Variants in CELF2 observed in about 807,000 individuals in gnomAD.
CELF2 encodes the protein CUG triplet repeat RNA-binding protein 2.
CELF2 carries 8 observed loss-of-function variants against 62.6 expected under a neutral mutation model. The observed-to-expected ratio is 0.13, with a 90% CI of 0.07 to 0.23. The LOEUF is 0.23. Ranked by LOEUF, CELF2 falls within the 10% of genes least tolerant of loss-of-function variation. The pLI is 1.00. For missense variants in CELF2, 333 were observed against 671.0 expected (o/e 0.50, Z 5.56); for synonymous variants, 258 against 250.0 (o/e 1.03, Z -0.30).
chr10:10,631,649 T>A, the CELF2 span, among the ~76,000 whole-genome samples: 1 of 152,238 alleles, frequency 6.6e-6, no homozygotes, highest in Non-Finnish European at 1.5e-5. Context: ...AGCAGTGATT[T>A]TAGTGGACCA....
At chr10:10,685,023 G>C in the CELF2 span, among the ~76,000 whole-genome samples, 1 of 152,102 alleles carries the variant, frequency 6.6e-6, no homozygotes, top group Non-Finnish European at 1.5e-5. Flanking sequence ...ACAACCACCG[G>C]AGACCAAAAT....
intron 1 of CELF2, among the ~76,000 whole-genome samples, chr10:11,028,409 T>C (rs894083754): frequency 7.5e-6 from 1 of 132,574 alleles, no homozygotes; most frequent in Admixed American, 9.1e-5. Context: ...ATTTTTTCTT[T>C]TCTTTTCTTT....
In CELF2 at chr10:11,214,373, G is replaced by A. The variant is rs1356564459; in HGVS notation, c.272-3052G>A. On this transcript the variant is annotated intron_variant, in intron 2 of 12. Transcript: ENST00000633077. This position sits in a 1 kb window ranked among gnomAD's most constrained non-coding sequence, Gnocchi z 4.2. ...GGTAAGTCATTCAGAAACTAAATGT[G>A]AAAAACCAAAAGAAGCCTCTGGGGT... Among the ~76,000 whole-genome samples, 2 of 152,178 alleles carry A rather than the reference G, an allele frequency of 1.3e-5. No individual in the cohort carries two copies. Among genetic ancestry groups the A allele is most frequent in the Non-Finnish European group, 2.9e-5 (2 of 68,026 alleles).
At chr10:10,497,616 G>C in the CELF2 span, among the ~76,000 whole-genome samples, 2 of 152,164 alleles carry the variant, frequency 1.3e-5, no homozygotes, top group African/African-American at 4.8e-5. Flanking sequence ...GTGGCCAGGG[G>C]AGGAGGAGCC....
the CELF2 span, among the ~76,000 whole-genome samples, chr10:10,752,204 G>A: frequency 5.3e-5 from 8 of 152,174 alleles, no homozygotes; most frequent in Admixed American, 3.3e-4. Flanking sequence ...GATCTGGTCC[G>A]TGGACACTAC....
chr10:10,614,998 T>C, the CELF2 span, among the ~76,000 whole-genome samples: 21 of 152,200 alleles, frequency 1.4e-4, no homozygotes, highest in African/African-American at 4.8e-4. Flanking sequence ...ATGGTATCCA[T>C]GGGCTTAGTT....
chr10:10,463,273 T>C, the CELF2 span, among the ~76,000 whole-genome samples: 1 of 152,202 alleles, frequency 6.6e-6, no homozygotes, highest in Non-Finnish European at 1.5e-5. Flanking sequence ...TTTCTGTGTA[T>C]ACTCTGCCTG....
At position 11,268,932 on chromosome 10, in the gene CELF2, T is replaced by C. The variant is rs1452083896; in HGVS notation, c.619-1734T>C. ...TGTTTCTCCACTTGCCTTCACTCTATCCCTGCCCTGTGTTTCATGGTTTAA... is the reference window on the plus strand; with the variant it reads ...TGTTTCTCCACTTGCCTTCACTCTACCCCTGCCCTGTGTTTCATGGTTTAA... On this transcript the variant is annotated intron_variant, in intron 6 of 12. Coordinates refer to ENST00000633077, the MANE Select transcript of CELF2 (RefSeq NM_001326342.2). The surrounding 1 kb of genome is among the most constrained non-coding windows in gnomAD (Gnocchi z 4.7). Among the ~76,000 whole-genome samples the C allele has an allele frequency of 2.0e-5, 3 of 152,204 alleles. No homozygotes were observed. The highest frequency in any genetic ancestry group is 4.4e-5 in the Non-Finnish European group (3 of 68,044).
At chr10:11,174,820 A>G (rs912760779) in intron 2 of CELF2, among the ~76,000 whole-genome samples, 1 of 152,158 alleles carries the variant, frequency 6.6e-6, no homozygotes, top group Non-Finnish European at 1.5e-5. Context: ...TGGGGAAAAA[A>G]TCCTTCCCAA....
chr10:10,524,978 G>A, the CELF2 span, among the ~76,000 whole-genome samples: 11 of 152,196 alleles, frequency 7.2e-5, no homozygotes, highest in African/African-American at 2.2e-4. Flanking sequence ...AGATTATAGT[G>A]TATACAGGTG....
At chr10:10,914,488 G>T (rs1200753742) in intron 1 of CELF2, among the ~76,000 whole-genome samples, 2 of 152,178 alleles carry the variant, frequency 1.3e-5, no homozygotes, top group African/African-American at 2.4e-5. Flanking sequence ...TTTAAGGAAT[G>T]CTAAATAATC....
At chr10:10,493,809 G>A in the CELF2 span, among the ~76,000 whole-genome samples, 3 of 152,182 alleles carry the variant, frequency 2.0e-5, no homozygotes, top group African/African-American at 7.2e-5. Flanking sequence ...TGGGATTACA[G>A]GCCTGAGCCA....
Position 11,270,394 on chromosome 10 carries a change from C to G in CELF2, c.619-272C>G, listed in dbSNP as rs1230963745. 6.6e-6 allele frequency among the ~76,000 whole-genome samples: 1 copy of G among 152,106 alleles called. No individual in the cohort carries two copies. The highest frequency in any genetic ancestry group is 2.4e-5 in the African/African-American group (1 of 41,392). ...GGTCCTGCAAGGTTGAAGGAAGACA[C>G]AGGAAGAGAAGGAGAGGCAGTTACT... On this transcript the variant is annotated intron_variant, in intron 6 of 12. Coordinates refer to ENST00000633077, the MANE Select transcript of CELF2 (RefSeq NM_001326342.2). The surrounding 1 kb of genome is among the most constrained non-coding windows in gnomAD (Gnocchi z 5.8).
the CELF2 span, among the ~76,000 whole-genome samples, chr10:10,654,177 G>T: frequency 7.5e-6 from 1 of 133,206 alleles, no homozygotes; most frequent in African/African-American, 2.8e-5. Flanking sequence ...GGAAGAAGTT[G>T]AATCTCTGAA....
At chr10:10,799,606 C>A (rs1177716531) in intron 1 of CELF2, among the ~76,000 whole-genome samples, 10 of 148,380 alleles carry the variant, frequency 6.7e-5, no homozygotes, top group Non-Finnish European at 1.2e-4. Context: ...CCCCCACCCC[C>A]ACCCCCAGGC....
chr10:11,284,837 A>G (rs902914946), intron 8 of CELF2, among the ~76,000 whole-genome samples: 2 of 141,622 alleles, frequency 1.4e-5, no homozygotes, highest in African/African-American at 2.7e-5. Context: ...AGAATAATGG[A>G]TGGATGGGTG....
the CELF2 span, among the ~76,000 whole-genome samples, chr10:10,618,705 T>C: frequency 6.6e-6 from 1 of 152,078 alleles, no homozygotes; most frequent in Admixed American, 6.5e-5. Context: ...AGTAACTACC[T>C]GAAGGTCGTT....
chr10:10,544,126 A>G, the CELF2 span, among the ~76,000 whole-genome samples: 1 of 152,228 alleles, frequency 6.6e-6, no homozygotes. Flanking sequence ...CTGTTGCAAC[A>G]AATGCTGGCG....
chr10:10,694,644 T>A, the CELF2 span, among the ~76,000 whole-genome samples: 2 of 151,628 alleles, frequency 1.3e-5, no homozygotes, highest in Non-Finnish European at 2.9e-5. Flanking sequence ...TGTGTGGGAG[T>A]CTAAGTCTCT....
Sources: allele counts gnomAD v4.1 joint callset (sites outside exome capture counted in the v4.1 genomes callset), GRCh38; gene constraint gnomAD v4.1.1; non-coding constraint Gnocchi (gnomAD v3.1); transcripts MANE v1.5; gene names NCBI Gene and HGNC (gene_info 2026-07-23, HGNC 2026-07-21).